RSKR: variants seen among roughly 807,000 people sequenced by gnomAD.
RSKR encodes the protein ribosomal protein S6 kinase-related protein.
RSKR carries 44 observed loss-of-function variants against 56.8 expected under a neutral mutation model. The observed-to-expected ratio is 0.77, with a 90% CI of 0.61 to 1.00. The LOEUF (loss-of-function observed/expected upper bound fraction) is 1.00. Ranked by LOEUF, RSKR falls within the 50% of genes least tolerant of loss-of-function variation. The pLI is 0.00. For missense variants in RSKR, 510 were observed against 506.9 expected (o/e 1.01, Z -0.06); for synonymous variants, 181 against 188.0 (o/e 0.96, Z 0.30).
At chr17:28,613,856 G>T in intron 1 of RSKR, 168 bp from the exon 2 acceptor site, 1 of 1,113,700 alleles carries the variant, frequency 9.0e-7, no homozygotes, top group Non-Finnish European at 1.2e-6. Context: ...CAGATTTCCT[G>T]GGCACAATTC....
rs1468704870 is a variant in RSKR, at chr17:28,612,799, C to T, written c.478-112G>A. On this transcript the variant is annotated intron_variant, in intron 4 of 11. Transcript: ENST00000301037. ...CAGAGGGGGAACTGCTGCCTCACCT[C>T]TCAGTTCAGAGGAACTCAATATTTG... The T allele has an allele frequency of 5.8e-5, 59 of 1,017,196 alleles. 2 individuals are homozygous for T. The South Asian group carries it at 7.6e-4, about 13-fold the overall frequency. 63.0% of individuals were successfully genotyped at this position (1,017,196 alleles called of 1,614,324 possible).
intron 1 of RSKR, 84 bp from the exon 2 acceptor site, chr17:28,613,772 T>A: frequency 1.9e-6 from 3 of 1,567,724 alleles, no homozygotes; most frequent in Non-Finnish European, 2.6e-6. Context: ...TCCCTCCCCT[T>A]AAGTCTCAAC....
At chr17:28,612,834 A>G in intron 4 of RSKR, 147 bp from the exon 5 acceptor site, 1 of 803,606 alleles carries the variant, frequency 1.2e-6, no homozygotes, top group Non-Finnish European at 2.1e-6. Context: ...GGAACTGACT[A>G]TCTGGTAATC....
At position 28,613,623 on chromosome 17, in the gene RSKR, G is replaced by A. The variant is rs149007808; in HGVS notation, c.141C>T (p.Thr47=). The A allele has an allele frequency of 1.6e-5, 26 of 1,614,008 alleles. No individual in the cohort carries two copies. In the African/African-American group the frequency reaches 3.3e-4, roughly 21 times the overall value. ...AGAGTTCTTCCAGATCTGACCTGAT[G>A]GTTCCCAAACCTGTCCAGAGGCTCT... ...GWKSLWTGLG[T]IRSDLEELWE... The change falls in exon 2 of 12, where the codon ACC becomes ACT. Residue 47 remains threonine, a synonymous_variant. Coordinates refer to ENST00000301037, the MANE Select transcript of RSKR (RefSeq NM_001174103.2).
intron 3 of RSKR, 36 bp downstream of exon 3, chr17:28,613,226 T>C: frequency 6.2e-7 from 1 of 1,613,830 alleles, no homozygotes; most frequent in East Asian, 2.2e-5. Flanking sequence ...GAATCAAGAT[T>C]GGAAACAGAG....
chr17:28,613,472 T>G lies in RSKR; in HGVS notation c.292A>C (p.Ile98Leu). Reference sequence around the variant, plus strand: ...TGCTGCTGCCCCCTAATGGGCCTAATGGGAAACTCTGGTAGAAAGAGGTTG... The same window carrying G: ...TGCTGCTGCCCCCTAATGGGCCTAAGGGGAAACTCTGGTAGAAAGAGGTTG... Reference protein sequence around the residue: ...FINLFLPEFPIRPIRGQQQLK... With the variant: ...FINLFLPEFPLRPIRGQQQLK... The change falls in exon 2 of 12, where the codon ATT (isoleucine) becomes CTT (leucine). Residue 98 changes from isoleucine (I) to leucine (L), a missense_variant. By Grantham distance (5) the Ile-to-Leu change is conservative. Coordinates refer to ENST00000301037, the MANE Select transcript of RSKR (RefSeq NM_001174103.2). 6.2e-7 allele frequency: 1 copy of G among 1,614,172 alleles called. No homozygotes were observed. The highest frequency in any genetic ancestry group is 8.5e-7 in the Non-Finnish European group (1 of 1,180,020).
At position 28,613,342 on chromosome 17, in the gene RSKR, A is replaced by C. The variant is rs1222678592; in HGVS notation, c.328T>G (p.Leu110Val). 1.2e-6 allele frequency: 2 copies of C among 1,614,226 alleles called. No homozygotes were observed. Among genetic ancestry groups the C allele is most frequent in the Non-Finnish European group, 8.5e-7 (1 of 1,180,036 alleles). Reference sequence around the variant, plus strand: ...AAGGAGCCTTTAGCCACGAGGCCTAAAATCTGTACAGAGGAATGGAGAACA... The same window carrying C: ...AAGGAGCCTTTAGCCACGAGGCCTACAATCTGTACAGAGGAATGGAGAACA... ...PIRGQQQLKI[L>V]GLVAKGSFGT... Residue 110 changes from leucine (L) to valine (V), a missense_variant, in exon 3 of 12, where the codon TTA becomes GTA. Coordinates refer to ENST00000301037, the MANE Select transcript of RSKR (RefSeq NM_001174103.2).
At position 28,612,655 on chromosome 17, in the gene RSKR, C is replaced by T. The variant is rs1256579275; in HGVS notation, c.510G>A (p.Leu170=). 1.2e-6 allele frequency: 2 copies of T among 1,614,190 alleles called. No individual in the cohort carries two copies. Among genetic ancestry groups the T allele is most frequent in the South Asian group, 2.2e-5 (2 of 91,086 alleles). ...GCCGTTTTCCCTGCCAGCTGTCCCC[C>T]AAGCTGTGTACAAAGGGATGGTTGA... is the stretch of plus-strand genomic sequence containing the variant. ...RQINHPFVHS[L]GDSWQGKRHL... is the part of the protein sequence containing the mutation. Residue 170 remains leucine, a synonymous_variant, in exon 5 of 12, where the codon TTG becomes TTA. Coordinates refer to ENST00000301037, the MANE Select transcript of RSKR (RefSeq NM_001174103.2).
At chr17:28,613,930 CCT>C in intron 1 of RSKR, 155 bp downstream of exon 1, 1 of 1,015,880 alleles carries the variant, frequency 9.8e-7, no homozygotes, top group African/African-American at 1.6e-5. Context: ...ACAGCCTGCA[CCT>C]CAGTATTGGG....
rs371774405 is a variant in RSKR at position 28,611,549 on chromosome 17, A to G, written c.811+18T>C. On this transcript the variant is annotated intron_variant, in intron 9 of 11. Transcript: ENST00000301037. ...TCCTCCTGCCCAATGCTTACCCATC[A>G]GCTTTAACCTCTCTCACCCATGTAC... 1.9e-6 allele frequency: 3 copies of G among 1,555,390 alleles called. No individual in the cohort carries two copies. The African/African-American group carries it at 4.1e-5, about 21-fold the overall frequency.
In RSKR at chr17:28,612,306, TCA is replaced by T. The variant is rs760107669; in HGVS notation, c.606_607del (p.Glu203GlyfsTer19). 1.9e-6 allele frequency: 3 copies of T among 1,614,162 alleles called. No homozygotes were observed. The highest frequency in any genetic ancestry group is 2.5e-6 in the Non-Finnish European group (3 of 1,180,016). ...GGCAGCAAAGAGACGGATGGAAGCC[TCA>T]GGAAAGCAGCCAACAGCCGACCAAA... On this transcript the variant is annotated frameshift_variant, in exon 6 of 12. Transcript: ENST00000301037. LOFTEE classifies it high-confidence loss of function.
At position 28,610,370 on chromosome 17, in the gene RSKR, A is replaced by G; in HGVS notation, c.*108T>C. ...TAAAGCCTAGGAGAGCAGAACGGTA[A>G]GAGGCTACAAAATAAAAACAAACTG... is the stretch of plus-strand genomic sequence containing the variant. On this transcript the variant is annotated 3_prime_UTR_variant, in exon 12 of 12. Coordinates refer to ENST00000301037, the MANE Select transcript of RSKR (RefSeq NM_001174103.2). The G allele has an allele frequency of 2.0e-6, 2 of 1,021,694 alleles. No homozygotes were observed. The highest frequency in any genetic ancestry group is 1.4e-6 in the Non-Finnish European group (1 of 700,946). 63.3% of individuals were successfully genotyped at this position (1,021,694 alleles called of 1,614,324 possible).
rs1432178799 is a variant in RSKR, at chr17:28,608,132, C to T, written c.*2346G>A. 6.6e-6 allele frequency: 1 copy of T among 152,058 alleles called. No homozygotes were observed. Among genetic ancestry groups the T allele is most frequent in the Non-Finnish European group, 1.5e-5 (1 of 68,006 alleles). The allele number at this position is 152,058 out of a possible 1,614,324, so 9.4% of individuals were successfully genotyped here. A position where few individuals can be genotyped will look rare whatever the true frequency, so the allele number is the denominator to read the frequency against. ...AAGAACATGACTAGCATACAAAATACATAAACACTTGCTGAAGGTAGACCA... is the reference window on the plus strand; with the variant it reads ...AAGAACATGACTAGCATACAAAATATATAAACACTTGCTGAAGGTAGACCA... On this transcript the variant is annotated 3_prime_UTR_variant, in exon 12 of 12. Transcript: ENST00000301037.
In RSKR at chr17:28,611,638, T is replaced by C. The variant is rs1392229253; in HGVS notation, c.740A>G (p.Asp247Gly). The C allele has an allele frequency of 6.3e-7, 1 of 1,582,074 alleles. No homozygotes were observed. The highest frequency in any genetic ancestry group is 1.4e-5 in the African/African-American group (1 of 74,072). Residue 247 changes from aspartate (D) to glycine (G), a missense_variant, in exon 9 of 12, where the codon GAC becomes GGC. Asp to Gly is a moderately conservative substitution (Grantham distance 94). Coordinates refer to ENST00000301037, the MANE Select transcript of RSKR (RefSeq NM_001174103.2). ...GGGCACGTGGCGGGACAGACCAAAG[T>C]CTGTCAGTTTCAGATGGCCTATGAA... ...LDERGHLKLT[D>G]FGLSRHVPQG...
At position 28,612,266 on chromosome 17, in the gene RSKR, T is replaced by A; in HGVS notation, c.648A>T (p.Val216=). 1 of 1,614,172 alleles carries A rather than the reference T, an allele frequency of 6.2e-7. No homozygotes were observed. The highest frequency in any genetic ancestry group is 8.5e-7 in the Non-Finnish European group (1 of 1,180,006). ...CTTTACCACTGTTTCACTTACACAG[T>A]ACCAGCACCAACTCGGCAGCAAAGA... ...IRLFAAELVL[V]LCYLHDLGIM... The change falls in exon 6 of 12, where the codon GTA becomes GTT. Residue 216 remains valine, a synonymous_variant. Coordinates refer to ENST00000301037, the MANE Select transcript of RSKR (RefSeq NM_001174103.2).
At chr17:28,611,543 C>T (rs949474246) in intron 9 of RSKR, 24 bp downstream of exon 9, 3 of 1,559,906 alleles carry the variant, frequency 1.9e-6, no homozygotes, top group African/African-American at 2.7e-5. Context: ...CCAATGCTTA[C>T]CCATCAGCTT....
chr17:28,613,789 A>C, intron 1 of RSKR, 101 bp from the exon 2 acceptor site: 1 of 1,508,646 alleles, frequency 6.6e-7, no homozygotes, highest in Non-Finnish European at 8.9e-7. Flanking sequence ...CAACCCCTAG[A>C]GGTACATTTT....
Position 28,611,273 on chromosome 17 carries a change from G to A in RSKR, c.901-20C>T. 4 of 1,534,510 alleles carry A rather than the reference G, an allele frequency of 2.6e-6. No individual in the cohort carries two copies. The highest frequency in any genetic ancestry group is 3.5e-6 in the Non-Finnish European group (4 of 1,145,346). Reference sequence around the variant, plus strand: ...TGGAAACTGAGTTAAGAGGTAGGGAGTGGAGGTAGGGGTAGGGGTTCATTC... The same window carrying A: ...TGGAAACTGAGTTAAGAGGTAGGGAATGGAGGTAGGGGTAGGGGTTCATTC... On this transcript the variant is annotated intron_variant, in intron 10 of 11. Coordinates refer to ENST00000301037, the MANE Select transcript of RSKR (RefSeq NM_001174103.2).
chr17:28,613,540 A>G lies in RSKR; in HGVS notation c.224T>C (p.Leu75Pro), dbSNP rs781722628. Residue 75 changes from leucine to proline, a missense_variant, in exon 2 of 12, where the codon CTG becomes CCG. Physicochemically the swap from Leu to Pro is moderately conservative, Grantham distance 98. Transcript: ENST00000301037. ...CCACTCTGGCAGAGGCTTCTCTACC[A>G]GTACTGGGGCTGGCTTTAGGGATTC... ...HQESLKPAPV[L>P]VEKPLPEWPV... 3 of 1,614,086 alleles carry G rather than the reference A, an allele frequency of 1.9e-6. No homozygotes were observed. The highest frequency in any genetic ancestry group is 2.7e-5 in the African/African-American group (2 of 74,924).
Sources: allele counts gnomAD v4.1 joint callset, GRCh38; gene constraint gnomAD v4.1.1; transcripts MANE v1.5; gene names NCBI Gene and HGNC (gene_info 2026-07-23, HGNC 2026-07-21).